GPR15LG: variants seen among roughly 807,000 people sequenced by gnomAD.
GPR15LG encodes the protein G protein-coupled receptor 15 ligand, also known as protein GPR15LG.
the GPR15LG span, among the ~76,000 whole-genome samples, chr10:84,184,266 T>G: frequency 9.2e-5 from 14 of 152,338 alleles, no homozygotes; most frequent in Non-Finnish European, 1.0e-4. Context: ...GATGCAAATG[T>G]AGTTTTGGGA....
the GPR15LG span, chr10:84,184,584 C>A: frequency 1.6e-6 from 2 of 1,232,882 alleles, no homozygotes; most frequent in East Asian, 2.3e-5. Flanking sequence ...TTTGAAAATG[C>A]AACTTAATTG....
the GPR15LG span, chr10:84,176,523 G>C: frequency 1.9e-6 from 3 of 1,613,856 alleles, no homozygotes; most frequent in Admixed American, 5.0e-5. Flanking sequence ...GGAGAACCAG[G>C]CTCTGCTGCC....
At chr10:84,178,833 G>T in the GPR15LG span, among the ~76,000 whole-genome samples, 2 of 152,182 alleles carry the variant, frequency 1.3e-5, no homozygotes, top group Admixed American at 6.5e-5. Context: ...TGAAATTTAT[G>T]AACAACTTAG....
chr10:84,177,243 G>A, the GPR15LG span, among the ~76,000 whole-genome samples: 1 of 152,342 alleles, frequency 6.6e-6, no homozygotes, highest in Non-Finnish European at 1.5e-5. Flanking sequence ...CCAAGCTCAG[G>A]AGGGCTGCGG....
the GPR15LG span, chr10:84,185,203 G>A: frequency 1.2e-5 from 5 of 422,810 alleles, no homozygotes; most frequent in East Asian, 7.7e-4. Context: ...GGTCCCCAAG[G>A]AATCCCTTCC....
chr10:84,183,462 T>C, the GPR15LG span, among the ~76,000 whole-genome samples: 1 of 152,176 alleles, frequency 6.6e-6, no homozygotes, highest in Non-Finnish European at 1.5e-5. Flanking sequence ...GTGTCCTTTG[T>C]TTTTCGTACA....
the GPR15LG span, among the ~76,000 whole-genome samples, chr10:84,182,048 A>C: frequency 6.6e-6 from 1 of 152,206 alleles, no homozygotes; most frequent in South Asian, 2.1e-4. Flanking sequence ...GGCTGAGCCC[A>C]TAGTGGGAGA....
the GPR15LG span, among the ~76,000 whole-genome samples, chr10:84,179,340 A>G: frequency 6.6e-6 from 1 of 152,158 alleles, no homozygotes; most frequent in African/African-American, 2.4e-5. Context: ...ATGGAGACAG[A>G]CCCAGCCCTG....
the GPR15LG span, among the ~76,000 whole-genome samples, chr10:84,181,312 C>T: frequency 6.0e-5 from 9 of 151,172 alleles, no homozygotes; most frequent in African/African-American, 2.2e-4. Flanking sequence ...CTATTGACCT[C>T]GTGATCCACC....
At chr10:84,181,499 C>T in the GPR15LG span, among the ~76,000 whole-genome samples, 1 of 152,218 alleles carries the variant, frequency 6.6e-6, no homozygotes, top group Non-Finnish European at 1.5e-5. Context: ...AATCATAGCT[C>T]ACTGCAGCCT....
chr10:84,183,910 C>T, the GPR15LG span, among the ~76,000 whole-genome samples: 55 of 152,156 alleles, frequency 3.6e-4, no homozygotes, highest in African/African-American at 1.2e-3. Context: ...CCTCCCAAAC[C>T]GCTAGGATTA....
the GPR15LG span, among the ~76,000 whole-genome samples, chr10:84,174,982 C>T: frequency 6.6e-6 from 1 of 151,810 alleles, no homozygotes; most frequent in African/African-American, 2.4e-5. Flanking sequence ...TAGCCATGTT[C>T]AACATTTTGT....
the GPR15LG span, among the ~76,000 whole-genome samples, chr10:84,182,501 G>A: frequency 6.6e-6 from 1 of 152,194 alleles, no homozygotes; most frequent in African/African-American, 2.4e-5. Flanking sequence ...TTTGATGTCT[G>A]TGAGTCTAGA....
chr10:84,175,848 C>G, the GPR15LG span, among the ~76,000 whole-genome samples: 1 of 151,870 alleles, frequency 6.6e-6, no homozygotes, highest in Non-Finnish European at 1.5e-5. Context: ...TATATATGTA[C>G]ATAAAGTATG....
At chr10:84,178,290 T>A in the GPR15LG span, among the ~76,000 whole-genome samples, 1 of 149,588 alleles carries the variant, frequency 6.7e-6, no homozygotes, top group African/African-American at 2.5e-5. Context: ...AGACACACAC[T>A]ATACACACAA....
chr10:84,184,924 T>G, the GPR15LG span: 2 of 1,476,374 alleles, frequency 1.4e-6, no homozygotes, highest in South Asian at 2.6e-5. Flanking sequence ...GTTCCAGAAC[T>G]CCACGTCCTT....
the GPR15LG span, chr10:84,184,807 C>G: frequency 1.9e-6 from 3 of 1,611,702 alleles, no homozygotes; most frequent in Non-Finnish European, 2.5e-6. Flanking sequence ...GAACCTCATG[C>G]CTGGCACCTG....
chr10:84,175,665 C>T, the GPR15LG span, among the ~76,000 whole-genome samples: 1 of 152,134 alleles, frequency 6.6e-6, no homozygotes, highest in African/African-American at 2.4e-5. Flanking sequence ...CCACAATGCC[C>T]TGCTAATTTT....
the GPR15LG span, among the ~76,000 whole-genome samples, chr10:84,183,688 C>A: frequency 4.0e-5 from 6 of 151,618 alleles, no homozygotes; most frequent in African/African-American, 1.2e-4. Flanking sequence ...ACTTTGTCAC[C>A]CAGGCTGGAG....
Sources: allele counts gnomAD v4.1 joint callset (sites outside exome capture counted in the v4.1 genomes callset), GRCh38; gene constraint gnomAD v4.1.1; transcripts MANE v1.5; gene names NCBI Gene and HGNC (gene_info 2026-07-23, HGNC 2026-07-21).